The following THSD7A variants were observed in gnomAD, a reference collection of about 807,000 sequenced individuals.
THSD7A encodes thrombospondin type 1 domain containing 7A, also known as thrombospondin type-1 domain-containing protein 7A.
In THSD7A, 96 loss-of-function variants were observed where a neutral mutation model predicts 231.3. The ratio of observed to expected loss-of-function variants is 0.41; its 90% CI spans 0.35 to 0.49. The LOEUF is 0.49. THSD7A is among the 20% of genes least tolerant of loss of function. The pLI is 0.05. For synonymous variants in THSD7A, 940 were observed against 743.3 expected (o/e 1.26, Z -4.30); for missense variants, 2,290 against 2,070.2 (o/e 1.11, Z -2.06).
intron 1 of THSD7A, among the ~76,000 whole-genome samples, chr7:11,805,379 C>A (rs1379890988): frequency 2.6e-5 from 4 of 152,020 alleles, no homozygotes; most frequent in Non-Finnish European, 5.9e-5. Context: ...TTAGTTGTGG[C>A]TGTAATTCTA....
At chr7:11,586,819 C>T (rs1023108483) in intron 4 of THSD7A, among the ~76,000 whole-genome samples, 8 of 152,072 alleles carry the variant, frequency 5.3e-5, no homozygotes, top group African/African-American at 9.7e-5. Context: ...TCCATCCCTC[C>T]GCCTATCTTC....
intron 1 of THSD7A, among the ~76,000 whole-genome samples, chr7:11,700,388 A>C (rs1013211649): frequency 6.6e-6 from 1 of 151,246 alleles, no homozygotes; most frequent in Admixed American, 6.6e-5. Flanking sequence ...AGTTGTTGAC[A>C]TTTACGTAAT....
chr7:11,417,093 A>G (rs1057030193), intron 17 of THSD7A, among the ~76,000 whole-genome samples: 1 of 152,238 alleles, frequency 6.6e-6, no homozygotes, highest in Admixed American at 6.5e-5. Flanking sequence ...ACACCATTAA[A>G]GTACCTTTAC....
intron 2 of THSD7A, among the ~76,000 whole-genome samples, chr7:11,623,482 T>C (rs1471632305): frequency 6.6e-6 from 1 of 151,994 alleles, no homozygotes; most frequent in African/African-American, 2.4e-5. Context: ...AAAGAAAAAA[T>C]TGCCATGCCA....
chr7:11,774,487 T>TACACACAC (rs71830837), intron 1 of THSD7A, among the ~76,000 whole-genome samples: 5 of 148,940 alleles, frequency 3.4e-5, no homozygotes, highest in African/African-American at 4.9e-5. Flanking sequence ...TAAGCATTCT[T>TACACACAC]ACACACACAC....
Position 11,374,120 on chromosome 7 carries a change from A to C in THSD7A, c.*1674T>G, listed in dbSNP as rs1782169905. The C allele has an allele frequency of 6.6e-6, 1 of 152,140 alleles. No individual in the cohort carries two copies. Among genetic ancestry groups the C allele is most frequent in the South Asian group, 2.1e-4 (1 of 4,832 alleles). The allele number at this position is 152,140 out of a possible 1,614,324, so 9.4% of individuals were successfully genotyped here. A position where few individuals can be genotyped will look rare whatever the true frequency, so the allele number is the denominator to read the frequency against. Reference sequence around the variant, plus strand: ...GACACCATGGAGAGCTAGCATTAAAAAACATCCAGACCAGGGGTCAGCAAA... The same window carrying C: ...GACACCATGGAGAGCTAGCATTAAACAACATCCAGACCAGGGGTCAGCAAA... On this transcript the variant is annotated 3_prime_UTR_variant, in exon 28 of 28. Coordinates refer to ENST00000423059, the MANE Select transcript of THSD7A (RefSeq NM_015204.3).
intron 19 of THSD7A, among the ~76,000 whole-genome samples, chr7:11,409,461 G>T (rs1199879747): frequency 6.6e-6 from 1 of 152,074 alleles, no homozygotes; most frequent in Non-Finnish European, 1.5e-5. Context: ...AGTCATCTAG[G>T]CTCCCATATA....
Position 11,825,580 on chromosome 7 carries a change from G to T in THSD7A, c.190+6177C>A, listed in dbSNP as rs566632315. Among the ~76,000 whole-genome samples, 4 of 152,194 alleles carry T rather than the reference G, an allele frequency of 2.6e-5. No homozygotes were observed. In the East Asian group the frequency reaches 7.7e-4, roughly 29 times the overall value. On this transcript the variant is annotated intron_variant, in intron 1 of 27. Transcript: ENST00000423059. Reference sequence around the variant, plus strand: ...TTTTGTACCATCTGACAGAACAATAGCAATAATAAAAACTATCATTTACTG... The same window carrying T: ...TTTTGTACCATCTGACAGAACAATATCAATAATAAAAACTATCATTTACTG...
intron 6 of THSD7A, among the ~76,000 whole-genome samples, chr7:11,485,053 G>A (rs1786598256): frequency 6.6e-6 from 1 of 151,232 alleles, no homozygotes; most frequent in Admixed American, 6.6e-5. Flanking sequence ...ACCATGCCCG[G>A]CTCATTTTTG....
chr7:11,459,834 T>C (rs2128297864), intron 11 of THSD7A, among the ~76,000 whole-genome samples: 1 of 152,086 alleles, frequency 6.6e-6, no homozygotes, highest in East Asian at 1.9e-4. Flanking sequence ...ATGAAATACG[T>C]AACTACACAT....
At chr7:11,696,802 C>G (rs957086872) in intron 1 of THSD7A, among the ~76,000 whole-genome samples, 1 of 151,324 alleles carries the variant, frequency 6.6e-6, no homozygotes, top group Non-Finnish European at 1.5e-5. Context: ...AACCCGTATA[C>G]TTATAGGCAT....
intron 1 of THSD7A, among the ~76,000 whole-genome samples, chr7:11,685,666 A>G (rs1780023097): frequency 2.0e-5 from 3 of 151,992 alleles, no homozygotes; most frequent in South Asian, 4.1e-4. Context: ...CAAAACCACA[A>G]TGATATACCA....
intron 13 of THSD7A, among the ~76,000 whole-genome samples, chr7:11,443,013 T>A (rs1467285057): frequency 6.6e-6 from 1 of 152,100 alleles, no homozygotes; most frequent in Non-Finnish European, 1.5e-5. Flanking sequence ...ATTTCAATTA[T>A]TTTTGTTCTT....
intron 2 of THSD7A, among the ~76,000 whole-genome samples, chr7:11,603,867 G>A (rs1220434828): frequency 7.2e-6 from 1 of 139,200 alleles, no homozygotes; most frequent in Non-Finnish European, 1.5e-5. Flanking sequence ...ATCACACTCT[G>A]GGGACTGTGG....
chr7:11,414,457 C>T (rs1211520970), intron 17 of THSD7A, among the ~76,000 whole-genome samples: 1 of 152,206 alleles, frequency 6.6e-6, no homozygotes, highest in Non-Finnish European at 1.5e-5. Flanking sequence ...CTGCTCAACA[C>T]AAATTAGTTA....
chr7:11,786,408 C>G lies in THSD7A; in HGVS notation c.190+45349G>C, dbSNP rs953814676. On this transcript the variant is annotated intron_variant, in intron 1 of 27. Coordinates refer to ENST00000423059, the MANE Select transcript of THSD7A (RefSeq NM_015204.3). Reference sequence around the variant, plus strand: ...GCTTGCCAGGAGAAATAACTTGTCTCCACCACTTCCACATTTTCTGCCTGG... The same window carrying G: ...GCTTGCCAGGAGAAATAACTTGTCTGCACCACTTCCACATTTTCTGCCTGG... Among the ~76,000 whole-genome samples, 5 of 152,142 alleles carry G rather than the reference C, an allele frequency of 3.3e-5. No homozygotes were observed. The East Asian group carries it at 9.7e-4, about 29-fold the overall frequency.
Position 11,414,340 on chromosome 7 carries a change from G to A in THSD7A, c.3538-1540C>T, listed in dbSNP as rs186819907. Among the ~76,000 whole-genome samples the A allele has an allele frequency of 1.1e-3, 161 of 152,324 alleles. 1 individual carries two copies. Among genetic ancestry groups the A allele is most frequent in the African/African-American group, 3.7e-3 (153 of 41,572 alleles). On this transcript the variant is annotated intron_variant, in intron 17 of 27. Coordinates refer to ENST00000423059, the MANE Select transcript of THSD7A (RefSeq NM_015204.3). The stretch of plus-strand genomic sequence containing the variant: ...ATGCTAATGCCACCATTTTTGGTAC[G>A]TGGGACACGAGGGGGCATAAAGCTC...
intron 1 of THSD7A, among the ~76,000 whole-genome samples, chr7:11,739,506 T>C (rs997487008): frequency 1.3e-5 from 2 of 151,992 alleles, no homozygotes; most frequent in Non-Finnish European, 2.9e-5. Flanking sequence ...TAATTATTGA[T>C]AGCCAGATGA....
chr7:11,602,258 A>G (rs910337293), intron 2 of THSD7A, among the ~76,000 whole-genome samples: 6 of 152,124 alleles, frequency 3.9e-5, no homozygotes, highest in African/African-American at 1.4e-4. Context: ...ATATGATTAT[A>G]TAGTTTACAT....
Sources: allele counts gnomAD v4.1 joint callset (sites outside exome capture counted in the v4.1 genomes callset), GRCh38; gene constraint gnomAD v4.1.1; transcripts MANE v1.5; gene names NCBI Gene and HGNC (gene_info 2026-07-23, HGNC 2026-07-21).